Variants in ENG observed in about 807,000 individuals in gnomAD.
ENG encodes the protein CD105 antigen.
In ENG, 17 loss-of-function variants were observed where a neutral mutation model predicts 71.0. That is an observed-to-expected ratio of 0.24 (90% CI 0.16 to 0.36). The LOEUF (loss-of-function observed/expected upper bound fraction) is 0.36. ENG is among the 10% of genes least tolerant of loss of function. The probability of loss-of-function intolerance (pLI) is 1.00; values close to 1 mark genes in which losing one functional copy is unlikely to be tolerated. For missense variants in ENG, 749 were observed against 868.3 expected (o/e 0.86, Z 1.73); for synonymous variants, 360 against 366.9 (o/e 0.98, Z 0.21).
intron 8 of ENG, 95 bp downstream of exon 8, chr9:127,824,209 C>T (rs984798866): frequency 5.1e-5 from 80 of 1,572,812 alleles, no homozygotes; most frequent in South Asian, 1.1e-5. Flanking sequence ...ACGTGACTTG[C>T]CCCCCTGCCT....
chr9:127,831,134 T>TCAA (rs1830754321), intron 2 of ENG, among the ~76,000 whole-genome samples: 1 of 151,852 alleles, frequency 6.6e-6, no homozygotes, highest in Non-Finnish European at 1.5e-5. Context: ...TTTAATCCTT[T>TCAA]CAACAACCTT....
chr9:127,847,640 G>GAATAC (rs1831198230), intron 1 of ENG, among the ~76,000 whole-genome samples: 1 of 152,030 alleles, frequency 6.6e-6, no homozygotes, highest in African/African-American at 2.4e-5. Context: ...TGTAGAGACG[G>GAATAC]GGTTTCGCCG....
chr9:127,841,948 G>T (rs1588595840), intron 2 of ENG, among the ~76,000 whole-genome samples: 1 of 152,200 alleles, frequency 6.6e-6, no homozygotes, highest in South Asian at 2.1e-4. Flanking sequence ...TGGCAGATGA[G>T]CCTTGGGAGG....
rs199629212 is a variant in ENG at position 127,818,277 on chromosome 9, C to T, written c.1529G>A (p.Arg510Gln). The change falls in exon 12 of 15, where the codon CGG becomes CAG. Residue 510 changes from arginine to glutamine, a missense_variant. Physicochemically the swap from Arg to Gln is conservative, Grantham distance 43. Transcript: ENST00000373203. ...GCTCACACAGTTGCCCTTGGCCGCC[C>T]GGCCCTGGATGAGTTCCACGGTGCC... ...EGGTVELIQG[R>Q]AAKGNCVSLL... 9.3e-6 allele frequency: 15 copies of T among 1,614,158 alleles called. No homozygotes were observed. The highest frequency in any genetic ancestry group is 1.6e-4 in the Middle Eastern group (1 of 6,062).
chr9:127,816,441 A>C, intron 13 of ENG: 1 of 362,878 alleles, frequency 2.8e-6, no homozygotes, highest in Non-Finnish European at 5.4e-6. Flanking sequence ...CAGGTAGAGA[A>C]TGGGCCAGAG....
intron 1 of ENG, among the ~76,000 whole-genome samples, chr9:127,845,044 C>T (rs1304936314): frequency 6.6e-6 from 1 of 152,246 alleles, no homozygotes; most frequent in East Asian, 1.9e-4. Flanking sequence ...GCTCCTACAC[C>T]TCGTCCTGAG....
chr9:127,824,641 G>T (rs1192806445), intron 7 of ENG, among the ~76,000 whole-genome samples, 159 bp downstream of exon 7: 1 of 147,312 alleles, frequency 6.8e-6, no homozygotes, highest in Non-Finnish European at 1.5e-5. Context: ...GCTCTTCTAT[G>T]ATTAGCTACT....
chr9:127,817,870 A>T, intron 12 of ENG: 2 of 589,614 alleles, frequency 3.4e-6, no homozygotes, highest in Non-Finnish European at 6.0e-6. Context: ...AAGTGAAAGG[A>T]TGGATGGATG....
chr9:127,845,418 C>T (rs111282601), intron 1 of ENG, among the ~76,000 whole-genome samples: 1 of 152,322 alleles, frequency 6.6e-6, no homozygotes, highest in African/African-American at 2.4e-5. Flanking sequence ...CTGGCTGCCA[C>T]GGGGGCCCAG....
rs1831192405 is a variant in ENG, at chr9:127,847,432, G to A, written c.68-4187C>T. 2.0e-5 allele frequency among the ~76,000 whole-genome samples: 3 copies of A among 152,004 alleles called. No individual in the cohort carries two copies. The South Asian group carries it at 6.2e-4, about 32-fold the overall frequency. On this transcript the variant is annotated intron_variant, in intron 1 of 14. Coordinates refer to ENST00000373203, the MANE Select transcript of ENG (RefSeq NM_001114753.3). ...TGTGAATATTATTTCATCATACTAG[G>A]ACAGATACTTTTCTTCCCGCTGCCA...
chr9:127,851,269 G>C (rs1831277214), intron 1 of ENG, among the ~76,000 whole-genome samples: 2 of 151,960 alleles, frequency 1.3e-5, no homozygotes, highest in African/African-American at 4.8e-5. Flanking sequence ...ACCTAGGCTG[G>C]AGTGCGGTGG....
chr9:127,839,538 C>T (rs1830977918), intron 2 of ENG, among the ~76,000 whole-genome samples: 2 of 152,114 alleles, frequency 1.3e-5, no homozygotes, highest in Non-Finnish European at 2.9e-5. Flanking sequence ...CACAGCCCTG[C>T]CCCATTAATC....
In ENG at chr9:127,838,386, G is replaced by C. The variant is rs939292699; in HGVS notation, c.219+4708C>G. Reference sequence around the variant, plus strand: ...GACTGCTTCCCCCAAGCCCAGGCAGGGGTCCCCTTTGCCCAAGTCTGAGGG... The same window carrying C: ...GACTGCTTCCCCCAAGCCCAGGCAGCGGTCCCCTTTGCCCAAGTCTGAGGG... On this transcript the variant is annotated intron_variant, in intron 2 of 14. Coordinates refer to ENST00000373203, the MANE Select transcript of ENG (RefSeq NM_001114753.3). The surrounding 1 kb of genome is among the most constrained non-coding windows in gnomAD (Gnocchi z 4.3). Among the ~76,000 whole-genome samples, 3 of 152,172 alleles carry C rather than the reference G, an allele frequency of 2.0e-5. No individual in the cohort carries two copies. Among genetic ancestry groups the C allele is most frequent in the Non-Finnish European group, 4.4e-5 (3 of 68,030 alleles).
intron 8 of ENG, among the ~76,000 whole-genome samples, 192 bp from the exon 9 acceptor site, chr9:127,820,229 C>T (rs2131879593): frequency 6.6e-6 from 1 of 152,244 alleles, no homozygotes; most frequent in Non-Finnish European, 1.5e-5. Context: ...GATGGAGTCT[C>T]ACTCTTTTTG....
Position 127,843,046 on chromosome 9 carries a change from T to G in ENG, c.219+48A>C, listed in dbSNP as rs559280016. On this transcript the variant is annotated intron_variant, in intron 2 of 14. Coordinates refer to ENST00000373203, the MANE Select transcript of ENG (RefSeq NM_001114753.3). ...GAAGGCACCCCTCACCCCATCTGCC[T>G]TGGAGCTTCCTCTGAGCCCCCACCC... The G allele has an allele frequency of 3.9e-5, 63 of 1,612,758 alleles. No homozygotes were observed. In the South Asian group the frequency reaches 6.8e-4, roughly 17 times the overall value.
At chr9:127,817,272 C>G in intron 12 of ENG, 69 bp from the exon 13 acceptor site, 1 of 1,541,668 alleles carries the variant, frequency 6.5e-7, no homozygotes, top group Non-Finnish European at 9.0e-7. Context: ...TCCCTGGCTC[C>G]GTGACCCCAG....
At chr9:127,816,919 C>A in intron 13 of ENG, 1 of 597,752 alleles carries the variant, frequency 1.7e-6, no homozygotes, top group South Asian at 1.9e-5. Flanking sequence ...AGACTCCCAC[C>A]CCACAGGGCG....
intron 13 of ENG, chr9:127,816,758 G>A (rs1422140372): frequency 2.9e-6 from 1 of 342,980 alleles, no homozygotes; most frequent in South Asian, 2.6e-5. Context: ...AGAGGCTAGA[G>A]GGGGCGTCCT....
At chr9:127,821,741 A>C (rs1830472045) in intron 8 of ENG, among the ~76,000 whole-genome samples, 1 of 151,432 alleles carries the variant, frequency 6.6e-6, no homozygotes, top group Non-Finnish European at 1.5e-5. Flanking sequence ...AAATAAGCCA[A>C]GAGTGGTGGT....
Sources: gnomAD v4.1 joint callset for allele counts (sites outside exome capture counted in the v4.1 genomes callset) on GRCh38, gnomAD v4.1.1 for gene constraint, Gnocchi (gnomAD v3.1) non-coding constraint, MANE v1.5 for transcripts, NCBI Gene and HGNC (gene_info 2026-07-23, HGNC 2026-07-21) for gene names.